The following SYN3 variants were observed in gnomAD, a reference collection of about 807,000 sequenced individuals.
SYN3 encodes synapsin-3.
SYN3 carries 35 observed loss-of-function variants against 65.8 expected under a neutral mutation model. The ratio of observed to expected loss-of-function variants is 0.53; its 90% CI spans 0.41 to 0.70. The LOEUF (loss-of-function observed/expected upper bound fraction) is 0.70. Among genes scored for constraint, SYN3 ranks in the 30% least tolerant of loss-of-function variants. The pLI is 0.00. For missense variants in SYN3, 680 were observed against 749.0 expected, an observed-to-expected ratio of 0.91 and a Z score of 1.08; for synonymous variants, 270 against 292.9, an observed-to-expected ratio of 0.92 and a Z score of 0.80.
At chr22:32,818,746 A>G (rs868072000) in intron 6 of SYN3, among the ~76,000 whole-genome samples, 1 of 152,140 alleles carries the variant, frequency 6.6e-6, no homozygotes, top group Non-Finnish European at 1.5e-5. Flanking sequence ...CTAGGGGGAA[A>G]GTCTCAGGAT....
chr22:32,528,045 A>G, intron 11 of SYN3, 40 bp from the exon 12 acceptor site: 1 of 1,449,540 alleles, frequency 6.9e-7, no homozygotes, highest in Non-Finnish European at 9.2e-7. Context: ...GTATCACCAC[A>G]GCCCTTTACT....
At chr22:33,034,689 C>A (rs957419530) in intron 1 of SYN3, among the ~76,000 whole-genome samples, 1 of 152,156 alleles carries the variant, frequency 6.6e-6, no homozygotes, top group Non-Finnish European at 1.5e-5. Flanking sequence ...TATCATCATT[C>A]CTCACACAAC....
intron 6 of SYN3, among the ~76,000 whole-genome samples, chr22:32,600,714 G>T (rs1055866635): frequency 6.6e-6 from 1 of 151,712 alleles, no homozygotes; most frequent in African/African-American, 2.4e-5. Flanking sequence ...TTGAGACAGA[G>T]TCTTGCTCTG....
At chr22:32,859,485 A>G in intron 6 of SYN3, 2 of 1,358,164 alleles carry the variant, frequency 1.5e-6, no homozygotes, top group Non-Finnish European at 2.0e-6. Context: ...TTTCTTGCAA[A>G]TTTAGCACTT....
intron 7 of SYN3, among the ~76,000 whole-genome samples, chr22:32,576,113 G>A (rs1049290059): frequency 9.2e-5 from 14 of 152,170 alleles, no homozygotes; most frequent in Admixed American, 2.0e-4. Context: ...AATGGCCTGA[G>A]TATGGTTCTA....
intron 3 of SYN3, among the ~76,000 whole-genome samples, chr22:32,976,968 G>A (rs1428116997): frequency 6.7e-6 from 1 of 150,224 alleles, no homozygotes; most frequent in Admixed American, 6.6e-5. Flanking sequence ...CTTTTCCCAA[G>A]TGCTAAAGGA....
chr22:32,833,178 A>G (rs550740779), intron 6 of SYN3, among the ~76,000 whole-genome samples: 1 of 152,236 alleles, frequency 6.6e-6, no homozygotes, highest in African/African-American at 2.4e-5. Context: ...GGCTCCTGGG[A>G]AATTTGCATT....
chr22:32,762,718 A>C (rs539030636), intron 6 of SYN3, among the ~76,000 whole-genome samples: 2 of 152,360 alleles, frequency 1.3e-5, no homozygotes, highest in African/African-American at 4.8e-5. Context: ...GCGCCCTTGC[A>C]TGAAAGTCAC....
rs1054844236 is a variant in SYN3, at chr22:32,955,732, G to A, written c.370-24251C>T. On this transcript the variant is annotated intron_variant, in intron 3 of 13. Transcript: ENST00000358763. ...TTATTGATCCTGGGTGTGTCTGTGA[G>A]GGTGTTTCCAAAGGAGATTAACATT... 5.9e-5 allele frequency among the ~76,000 whole-genome samples: 9 copies of A among 152,036 alleles called. 1 individual carries two copies. The highest frequency in any genetic ancestry group is 2.2e-4 in the African/African-American group (9 of 41,362).
At chr22:32,999,967 G>A (rs532947710) in intron 2 of SYN3, among the ~76,000 whole-genome samples, 1 of 152,322 alleles carries the variant, frequency 6.6e-6, no homozygotes, top group South Asian at 2.1e-4. Context: ...CAGTGAAGCT[G>A]CTGGAAAATT....
At chr22:32,858,600 C>T (rs149654179) in intron 6 of SYN3, among the ~76,000 whole-genome samples, 88 of 152,286 alleles carry the variant, frequency 5.8e-4, no homozygotes, top group African/African-American at 2.0e-3. Flanking sequence ...GGCCCATCCC[C>T]CTGACCCAAG....
intron 7 of SYN3, among the ~76,000 whole-genome samples, chr22:32,582,927 C>T (rs2058970593): frequency 6.6e-6 from 1 of 152,188 alleles, no homozygotes; most frequent in Non-Finnish European, 1.5e-5. Flanking sequence ...TGTATAGCTA[C>T]CACTCTTTTC....
rs946349835 is a variant in SYN3, at chr22:32,509,758, T to C, written c.*3934A>G. On this transcript the variant is annotated 3_prime_UTR_variant, in exon 14 of 14. Coordinates refer to ENST00000358763, the MANE Select transcript of SYN3 (RefSeq NM_003490.4). Reference sequence around the variant, plus strand: ...TAATTTTTTATATTTTTAGTAGAGATGGGGTTTCACCGTGTTAGCCAGGAT... The same window carrying C: ...TAATTTTTTATATTTTTAGTAGAGACGGGGTTTCACCGTGTTAGCCAGGAT... Among the ~76,000 whole-genome samples the C allele has an allele frequency of 9.2e-5, 14 of 152,002 alleles. No individual in the cohort carries two copies. Among genetic ancestry groups the C allele is most frequent in the African/African-American group, 2.9e-4 (12 of 41,374 alleles).
chr22:32,707,262 C>T (rs957449545), intron 6 of SYN3, among the ~76,000 whole-genome samples: 12 of 152,176 alleles, frequency 7.9e-5, no homozygotes, highest in African/African-American at 2.7e-4. Context: ...TGTTTCCTAG[C>T]CTCCTCTGGA....
intron 4 of SYN3, among the ~76,000 whole-genome samples, chr22:32,882,060 A>AC: frequency 6.6e-6 from 1 of 152,028 alleles, no homozygotes; most frequent in East Asian, 1.9e-4. Context: ...TCTCAAAAAA[A>AC]AAAAAAAAGG....
intron 7 of SYN3, among the ~76,000 whole-genome samples, chr22:32,545,544 C>A (rs2058324652): frequency 6.6e-6 from 1 of 152,086 alleles, no homozygotes; most frequent in Admixed American, 6.6e-5. Flanking sequence ...GAGCATGGAA[C>A]CCAGGTCTCT....
intron 7 of SYN3, among the ~76,000 whole-genome samples, chr22:32,576,310 A>G (rs910529321): frequency 4.6e-5 from 7 of 152,306 alleles, no homozygotes; most frequent in African/African-American, 1.7e-4. Flanking sequence ...CGTGCACACC[A>G]TAATGGATGT....
At chr22:32,726,320 T>G (rs181590940) in intron 6 of SYN3, among the ~76,000 whole-genome samples, 257 of 152,302 alleles carry the variant, frequency 1.7e-3, no homozygotes, top group African/African-American at 5.9e-3. Flanking sequence ...TTTTTGTATT[T>G]TTGGTAGAGA....
At chr22:32,546,247 G>A (rs542835169) in intron 7 of SYN3, among the ~76,000 whole-genome samples, 39 of 152,230 alleles carry the variant, frequency 2.6e-4, no homozygotes, top group African/African-American at 9.4e-4. Flanking sequence ...TGTTGCACTG[G>A]TGCCAAGCAG....
Sources: gnomAD v4.1 joint callset for allele counts (sites outside exome capture counted in the v4.1 genomes callset) on GRCh38, gnomAD v4.1.1 for gene constraint, MANE v1.5 for transcripts, NCBI Gene and HGNC (gene_info 2026-07-23, HGNC 2026-07-21) for gene names.